Variants in BRD2 observed in about 807,000 individuals in gnomAD.
The protein encoded by BRD2 is bromodomain containing 2, also known as bromodomain-containing protein 2.
A neutral mutation model predicts 79.1 loss-of-function variants in BRD2; 15 were observed. The observed-to-expected ratio is 0.19, with a 90% CI of 0.13 to 0.29. The LOEUF (loss-of-function observed/expected upper bound fraction) is 0.29, where lower values mean the gene tolerates loss of function less well. Ranked by LOEUF, BRD2 falls within the 10% of genes least tolerant of loss-of-function variation. BRD2 has a pLI of 1.00. For synonymous variants in BRD2, 488 were observed against 358.6 expected, an observed-to-expected ratio of 1.36 and a Z score of -4.08; for missense variants, 1,053 against 991.3, an observed-to-expected ratio of 1.06 and a Z score of -0.84.
chr6:32,974,634 A>G lies in BRD2; in HGVS notation c.202A>G (p.Asn68Asp). ...CAACCCACCACCCCCGGAGGTGTCC[A>G]ATCCCAAAAAGCCAGGACGAGTTAC... The part of the protein sequence containing the change: ...PANPPPPEVS[N>D]PKKPGRVTNQ... Residue 68 changes from asparagine (N) to aspartate (D), a missense_variant, in exon 3 of 13, where the codon AAT becomes GAT. Physicochemically the swap from Asn to Asp is conservative, Grantham distance 23 (BLOSUM62 1). Coordinates refer to ENST00000374825, the MANE Select transcript of BRD2 (RefSeq NM_005104.4). 1 of 1,614,212 alleles carries G rather than the reference A, an allele frequency of 6.2e-7. No homozygotes were observed. Among genetic ancestry groups the G allele is most frequent in the Non-Finnish European group, 8.5e-7 (1 of 1,180,040 alleles).
At chr6:32,973,647 G>T in intron 2 of BRD2, among the ~76,000 whole-genome samples, 1 of 152,280 alleles carries the variant, frequency 6.6e-6, no homozygotes, top group Non-Finnish European at 1.5e-5. Flanking sequence ...ATGAACCACT[G>T]TTAGCGTTTG....
At chr6:32,979,733 C>CT (rs1779284354) in intron 10 of BRD2, 95 bp from the exon 11 acceptor site, 5 of 1,417,040 alleles carry the variant, frequency 3.5e-6, no homozygotes, top group Middle Eastern at 2.6e-4. Context: ...AAGCTCCACT[C>CT]TGGGCAGGAA....
intron 1 of BRD2, chr6:32,970,091 G>C (rs1011461969): frequency 6.6e-6 from 1 of 152,288 alleles, no homozygotes; most frequent in East Asian, 1.9e-4. Flanking sequence ...CTTTTCCTAA[G>C]GCCTAGTATT....
rs1778497052 is a variant in BRD2 at position 32,974,729 on chromosome 6, C to T, written c.297C>T (p.Phe99=). The T allele has an allele frequency of 6.2e-7, 1 of 1,614,104 alleles. No individual in the cohort carries two copies. Residue 99 remains phenylalanine (F), a synonymous_variant, in exon 3 of 13, where the codon TTC becomes TTT. Transcript: ENST00000374825. ...ALWKHQFAWP[F]RQPVDAVKLG... ...GGAAACATCAGTTCGCATGGCCATT[C>T]CGGCAGCCTGTGGATGCTGTCAAAC...
rs1779533274 is a variant in BRD2, at chr6:32,981,358, A to T, written c.*640A>T. 6.6e-6 allele frequency: 1 copy of T among 152,256 alleles called. No individual in the cohort carries two copies. The highest frequency in any genetic ancestry group is 2.4e-5 in the African/African-American group (1 of 41,460). The allele number at this position is 152,256 out of a possible 1,614,324, so 9.4% of individuals were successfully genotyped here. A position where few individuals can be genotyped will look rare whatever the true frequency, so the allele number is the denominator to read the frequency against. ...GCTTTTGTAGTGTTTCAAAAGGAACATCATAAGAATTGTCTTGATAATTTT... is the reference window on the plus strand; with the variant it reads ...GCTTTTGTAGTGTTTCAAAAGGAACTTCATAAGAATTGTCTTGATAATTTT... On this transcript the variant is annotated 3_prime_UTR_variant, in exon 13 of 13. Transcript: ENST00000374825.
intron 10 of BRD2, chr6:32,979,584 A>G (rs1423601819): frequency 2.0e-5 from 9 of 460,642 alleles, no homozygotes; most frequent in African/African-American, 1.4e-4. Context: ...TTTTAGTAAT[A>G]TTTTTTCATT....
chr6:32,979,060 A>G (rs2395380), intron 10 of BRD2: 1,519 of 107,070 alleles, frequency 0.014, 16 homozygotes, highest in Middle Eastern at 0.029. Context: ...TTTTTTTGTT[A>G]GTTTGTTTTT....
rs2127502323 is a variant in BRD2, at chr6:32,972,662, C to A, written c.-237C>A. ...CCTTAGTTGCCCGCCTCAGCTGAGG[C>A]CGCCGCCATTTTCTTGCTGTCCGCC... On this transcript the variant is annotated 5_prime_UTR_variant, in exon 2 of 13. Coordinates refer to ENST00000374825, the MANE Select transcript of BRD2 (RefSeq NM_005104.4). 1 of 616,040 alleles carries A rather than the reference C, an allele frequency of 1.6e-6. No homozygotes were observed. The highest frequency in any genetic ancestry group is 2.9e-5 in the Admixed American group (1 of 34,028). The allele number at this position is 616,040 out of a possible 1,614,324, so 38.2% of individuals were successfully genotyped here.
At chr6:32,979,451 T>G in intron 10 of BRD2, 2 of 242,536 alleles carry the variant, frequency 8.2e-6, no homozygotes, top group Non-Finnish European at 1.6e-5. Flanking sequence ...ATACCTTGTT[T>G]TATTGTGCTT....
chr6:32,980,377 C>T lies in BRD2; in HGVS notation c.2182C>T (p.Leu728=), dbSNP rs747127848. The T allele has an allele frequency of 6.2e-6, 10 of 1,613,042 alleles. No individual in the cohort carries two copies. Among genetic ancestry groups the T allele is most frequent in the Admixed American group, 5.0e-5 (3 of 60,020 alleles). ...KKPVGKTKEE[L]ALEKKRELEK... ...GCCTGTGGGAAAGACAAAGGAGGAA[C>T]TGGCTTTGGAGAAAAAGCGGGAATT... Residue 728 remains leucine, a synonymous_variant, in exon 12 of 13, where the codon CTG becomes TTG. Transcript: ENST00000374825.
intron 9 of BRD2, 48 bp downstream of exon 9, chr6:32,978,053 C>G (rs2066754): frequency 6.3e-7 from 1 of 1,592,460 alleles, no homozygotes; most frequent in Non-Finnish European, 8.5e-7. Context: ...GGTTCATGCC[C>G]TTTGTCCTCA....
At chr6:32,974,871 T>A in intron 3 of BRD2, 106 bp downstream of exon 3, 1 of 1,434,942 alleles carries the variant, frequency 7.0e-7, no homozygotes, top group South Asian at 1.3e-5. Context: ...GAGTTCCCAT[T>A]TCTCCCCTGT....
chr6:32,969,146 A>G (rs1434875381), intron 1 of BRD2, 90 bp downstream of exon 1: 7 of 537,606 alleles, frequency 1.3e-5, no homozygotes, highest in African/African-American at 1.9e-5. Context: ...GGGTTCAGGA[A>G]AGAATCCTGA....
intron 1 of BRD2, 64 bp downstream of exon 1, chr6:32,969,120 G>A (rs1777717430): frequency 3.7e-6 from 2 of 535,834 alleles, no homozygotes; most frequent in Non-Finnish European, 6.8e-6. Flanking sequence ...TGGGGAGTCC[G>A]GGAGGGGGAT....
At chr6:32,977,646 C>CGT in intron 8 of BRD2, 76 bp downstream of exon 8, 1 of 1,601,940 alleles carries the variant, frequency 6.2e-7, no homozygotes, top group Non-Finnish European at 8.5e-7. Flanking sequence ...ATAGCCTCAA[C>CGT]GTGAGGGTCT....
Position 32,972,810 on chromosome 6 carries a change from A to G in BRD2, c.-89A>G. 2 of 1,598,038 alleles carry G rather than the reference A, an allele frequency of 1.3e-6. No homozygotes were observed. Among genetic ancestry groups the G allele is most frequent in the South Asian group, 2.2e-5 (2 of 90,820 alleles). On this transcript the variant is annotated 5_prime_UTR_variant, in exon 2 of 13. Transcript: ENST00000374825. ...AAGAGGAACGGCCTCCCCCCAACTT[A>G]GCGGGTTATGCTGGACCGGGCGGTG...
At position 32,978,265 on chromosome 6, in the gene BRD2, A is replaced by G. The variant is rs1048920363; in HGVS notation, c.1718A>G (p.Asp573Gly). 4.3e-6 allele frequency: 7 copies of G among 1,613,104 alleles called. No homozygotes were observed. Among genetic ancestry groups the G allele is most frequent in the Admixed American group, 3.3e-5 (2 of 60,030 alleles). ...GGCCGAGCTGGGGCCGATGAAGATG[A>G]CAAGGGGCCTAGGGCACCCCGCCCA... ...HRGRAGADED[D>G]KGPRAPRPPQ... The change falls in exon 10 of 13, where the codon GAC (aspartate) becomes GGC (glycine). Residue 573 changes from aspartate (D) to glycine (G), a missense_variant. This residue lies in a region of BRD2 where 454 missense variants were observed against 430.5 expected (regional missense o/e 1.05). Transcript: ENST00000374825.
rs767733198 is a variant in BRD2 at position 32,974,742 on chromosome 6, G to A, written c.310G>A (p.Asp104Asn). ...CGCATGGCCATTCCGGCAGCCTGTGGATGCTGTCAAACTGGGTCTACCGGT... is the reference window on the plus strand; with the variant it reads ...CGCATGGCCATTCCGGCAGCCTGTGAATGCTGTCAAACTGGGTCTACCGGT... Reference protein sequence around the residue: ...QFAWPFRQPVDAVKLGLPDYH... With the variant: ...QFAWPFRQPVNAVKLGLPDYH... Residue 104 changes from aspartate to asparagine, a missense_variant, in exon 3 of 13, where the codon GAT becomes AAT. Transcript: ENST00000374825. 1.2e-6 allele frequency: 2 copies of A among 1,614,016 alleles called. No individual in the cohort carries two copies. The highest frequency in any genetic ancestry group is 1.7e-6 in the Non-Finnish European group (2 of 1,179,922).
At position 32,975,309 on chromosome 6, in the gene BRD2, T is replaced by TGAGAGA. The variant is rs70996746; in HGVS notation, c.334-70_334-69insAGAGAG. The TGAGAGA allele has an allele frequency of 8.0e-5, 82 of 1,030,366 alleles. 1 individual carries two copies. The East Asian group carries it at 1.2e-3, about 15-fold the overall frequency. 63.8% of individuals were successfully genotyped at this position (1,030,366 alleles called of 1,614,324 possible). On this transcript the variant is annotated intron_variant, in intron 3 of 12. Coordinates refer to ENST00000374825, the MANE Select transcript of BRD2 (RefSeq NM_005104.4). ...GGGTGTGTGTGTGTGTGTGTGTGTGTGAGAGTCGGGGATCGGTAGTCTCCC... is the reference window on the plus strand; with the variant it reads ...GGGTGTGTGTGTGTGTGTGTGTGTGTGAGAGAGAGAGTCGGGGATCGGTAGTCTCCC...
Sources: allele counts gnomAD v4.1 joint callset (sites outside exome capture counted in the v4.1 genomes callset), GRCh38; gene constraint gnomAD v4.1.1; regional missense constraint gnomAD v4.1.1; transcripts MANE v1.5; gene names NCBI Gene and HGNC (gene_info 2026-07-23, HGNC 2026-07-21).